Variants in POU2F1 observed in about 807,000 individuals in gnomAD.
The protein encoded by POU2F1 is POU class 2 homeobox 1.
POU2F1 carries 16 observed loss-of-function variants against 84.9 expected under a neutral mutation model. That is an observed-to-expected ratio of 0.19 (90% CI 0.13 to 0.29). The LOEUF (loss-of-function observed/expected upper bound fraction) is 0.29, where lower values mean the gene tolerates loss of function less well. Ranked by LOEUF, POU2F1 falls within the 10% of genes least tolerant of loss-of-function variation. POU2F1 has a pLI of 1.00. For synonymous variants in POU2F1, 368 were observed against 368.3 expected (o/e 1.00, Z 0.01); for missense variants, 738 against 942.6 (o/e 0.78, Z 2.84).
At chr1:167,359,496 G>A (rs762331184) in intron 2 of POU2F1, among the ~76,000 whole-genome samples, 5 of 152,062 alleles carry the variant, frequency 3.3e-5, no homozygotes, top group African/African-American at 4.8e-5. Flanking sequence ...AGCTGCATCC[G>A]TATTACTGCA....
At chr1:167,330,480 C>CA (rs965651930) in intron 1 of POU2F1, among the ~76,000 whole-genome samples, 12 of 151,514 alleles carry the variant, frequency 7.9e-5, no homozygotes, top group Admixed American at 2.0e-4. Flanking sequence ...GTTAACAATT[C>CA]AAAAAAAGGA....
intron 1 of POU2F1, among the ~76,000 whole-genome samples, chr1:167,292,174 T>A (rs1176420354): frequency 6.6e-6 from 1 of 152,144 alleles, no homozygotes; most frequent in African/African-American, 2.4e-5. Flanking sequence ...TCTGTTACCA[T>A]CTTTTTTGTC....
At chr1:167,275,169 C>T (rs1240012086) in intron 1 of POU2F1, among the ~76,000 whole-genome samples, 2 of 151,166 alleles carry the variant, frequency 1.3e-5, no homozygotes, top group Non-Finnish European at 2.9e-5. Flanking sequence ...AGACTACAGG[C>T]TTGCACCATC....
At position 167,396,366 on chromosome 1, in the gene POU2F1, C is replaced by T; in HGVS notation, c.1068C>T (p.Asn356=). Residue 356 remains asparagine, a synonymous_variant, in exon 10 of 16, where the codon AAC becomes AAT. Transcript: ENST00000367866. ...QTTISRFEAL[N]LSFKNMCKLK... is the part of the protein sequence containing the mutation. Reference sequence around the variant, plus strand: ...CCATCTCTCGATTTGAAGCCTTGAACCTCAGCTTTAAGAACATGTGCAAGT... The same window carrying T: ...CCATCTCTCGATTTGAAGCCTTGAATCTCAGCTTTAAGAACATGTGCAAGT... 1.2e-6 allele frequency: 2 copies of T among 1,614,048 alleles called. No individual in the cohort carries two copies. The highest frequency in any genetic ancestry group is 1.7e-6 in the Non-Finnish European group (2 of 1,179,928).
intron 2 of POU2F1, among the ~76,000 whole-genome samples, chr1:167,345,355 G>C (rs1336475585): frequency 6.6e-6 from 1 of 152,088 alleles, no homozygotes; most frequent in African/African-American, 2.4e-5. Flanking sequence ...TAAGTTTTCA[G>C]GTAGAAGGGA....
At chr1:167,403,720 T>C (rs1649364108) in intron 13 of POU2F1, among the ~76,000 whole-genome samples, 1 of 152,200 alleles carries the variant, frequency 6.6e-6, no homozygotes, top group South Asian at 2.1e-4. Flanking sequence ...ATTTCTATGA[T>C]TGCTTATTTT....
chr1:167,264,373 T>C (rs887083773), intron 1 of POU2F1, among the ~76,000 whole-genome samples: 1 of 151,940 alleles, frequency 6.6e-6, no homozygotes, highest in African/African-American at 2.4e-5. Context: ...GGAAAGGAAT[T>C]TGGGGTATTA....
At position 167,303,735 on chromosome 1, in the gene POU2F1, A is replaced by G. The variant is rs35278686; in HGVS notation, c.62-28735A>G. Among the ~76,000 whole-genome samples the G allele has an allele frequency of 9.7e-3, 1,480 of 152,220 alleles. 10 individuals are homozygous for G. Among genetic ancestry groups the G allele is most frequent in the Non-Finnish European group, 0.013 (912 of 68,000 alleles). ...TGAAATTTGTTTGATATTTATTGATATGATGGAGTGATGCTTGGGATGCCT... is the reference window on the plus strand; with the variant it reads ...TGAAATTTGTTTGATATTTATTGATGTGATGGAGTGATGCTTGGGATGCCT... On this transcript the variant is annotated intron_variant, in intron 1 of 15. Coordinates refer to ENST00000367866, the MANE Select transcript of POU2F1 (RefSeq NM_002697.4).
chr1:167,413,739 A>G (rs1557971362), intron 15 of POU2F1, among the ~76,000 whole-genome samples: 1 of 152,188 alleles, frequency 6.6e-6, no homozygotes, highest in Non-Finnish European at 1.5e-5. Flanking sequence ...TTCATTCCAT[A>G]TACTGAAGGG....
At chr1:167,227,575 A>C (rs917581973) in intron 1 of POU2F1, among the ~76,000 whole-genome samples, 1 of 152,214 alleles carries the variant, frequency 6.6e-6, no homozygotes, top group Non-Finnish European at 1.5e-5. Flanking sequence ...TTAATGAAAA[A>C]TACAGCCTTT....
At chr1:167,273,305 C>T (rs933199145) in intron 1 of POU2F1, among the ~76,000 whole-genome samples, 1 of 152,178 alleles carries the variant, frequency 6.6e-6, no homozygotes, top group East Asian at 1.9e-4. Context: ...GTAGATCTAC[C>T]ATTCTGGGGT....
chr1:167,259,001 A>G (rs900367498), intron 1 of POU2F1, among the ~76,000 whole-genome samples: 3 of 152,144 alleles, frequency 2.0e-5, no homozygotes. Context: ...CCCTGTTTTT[A>G]TTGCTCATGT....
At chr1:167,305,401 C>T (rs1341139635) in intron 1 of POU2F1, among the ~76,000 whole-genome samples, 3 of 152,074 alleles carry the variant, frequency 2.0e-5, no homozygotes, top group African/African-American at 4.8e-5. Context: ...GTTTTTGCCA[C>T]GTTGCCCAGG....
chr1:167,259,306 G>C (rs549591588), intron 1 of POU2F1, among the ~76,000 whole-genome samples: 1 of 152,284 alleles, frequency 6.6e-6, no homozygotes, highest in East Asian at 1.9e-4. Context: ...GAGGGATGCA[G>C]CTCTTGATGG....
chr1:167,275,119 C>G (rs535794781), intron 1 of POU2F1, among the ~76,000 whole-genome samples: 3 of 150,400 alleles, frequency 2.0e-5, no homozygotes, highest in African/African-American at 7.4e-5. Flanking sequence ...AGCTCCCAGG[C>G]TCAAGCAGTC....
rs1447475028 is a variant in POU2F1, at chr1:167,425,467, G to A, written c.*9657G>A. 6.6e-6 allele frequency: 1 copy of A among 152,258 alleles called. No homozygotes were observed. The highest frequency in any genetic ancestry group is 2.4e-5 in the African/African-American group (1 of 41,460). The allele number at this position is 152,258 out of a possible 1,614,324, so 9.4% of individuals were successfully genotyped here. On this transcript the variant is annotated 3_prime_UTR_variant, in exon 16 of 16. Transcript: ENST00000367866. ...TACCACCTTCCAGGGTCCAGCACAG[G>A]TGCATGCCCCTAGCTTTGGCCCTCA...
chr1:167,232,608 C>T (rs184711928), intron 1 of POU2F1, among the ~76,000 whole-genome samples: 17 of 152,152 alleles, frequency 1.1e-4, no homozygotes, highest in East Asian at 1.9e-4. Flanking sequence ...TTTGGGAAGC[C>T]GAGGTGGGCA....
intron 1 of POU2F1, among the ~76,000 whole-genome samples, chr1:167,285,762 A>AG (rs974682038): frequency 2.0e-5 from 3 of 152,064 alleles, no homozygotes; most frequent in African/African-American, 7.2e-5. Flanking sequence ...TCTTTGTGCA[A>AG]GGCGCTGTGG....
At chr1:167,235,098 A>G (rs1205944102) in intron 1 of POU2F1, among the ~76,000 whole-genome samples, 4 of 152,088 alleles carry the variant, frequency 2.6e-5, no homozygotes, top group African/African-American at 4.8e-5. Context: ...GAAGTCAGCT[A>G]TTTCATGGCA....
Sources: allele counts gnomAD v4.1 joint callset (sites outside exome capture counted in the v4.1 genomes callset), GRCh38; gene constraint gnomAD v4.1.1; transcripts MANE v1.5; gene names NCBI Gene and HGNC (gene_info 2026-07-23, HGNC 2026-07-21).